The following PLD5 variants were observed in gnomAD, a reference collection of about 807,000 sequenced individuals.
The protein encoded by PLD5 is phospholipase D family member 5, also known as inactive phospholipase D5.
A neutral mutation model predicts 61.1 loss-of-function variants in PLD5; 36 were observed. That is an observed-to-expected ratio of 0.59 (90% confidence interval 0.45 to 0.78). The LOEUF is 0.78. Among genes scored for constraint, PLD5 ranks in the 30% least tolerant of loss-of-function variants. The probability of loss-of-function intolerance (pLI) is 0.00; values close to 1 mark genes in which losing one functional copy is unlikely to be tolerated. For missense variants in PLD5, 515 were observed against 644.4 expected, an observed-to-expected ratio of 0.80 and a Z score of 2.17; for synonymous variants, 243 against 242.8, an observed-to-expected ratio of 1.00 and a Z score of -0.01.
At chr1:242,499,434 CTATCTA>C (rs1668480965) in intron 1 of PLD5, among the ~76,000 whole-genome samples, 1 of 152,176 alleles carries the variant, frequency 6.6e-6, no homozygotes, top group African/African-American at 2.4e-5. Context: ...TAGCCTTTCT[CTATCTA>C]TATCTTCATA....
At chr1:242,357,617 C>A (rs1490633071) in intron 1 of PLD5, among the ~76,000 whole-genome samples, 1 of 151,750 alleles carries the variant, frequency 6.6e-6, no homozygotes, top group Non-Finnish European at 1.5e-5. Context: ...TCCCGAGTAG[C>A]TGGGATTACA....
chr1:242,506,168 A>G lies in PLD5; in HGVS notation c.189+17920T>C, dbSNP rs1196510966. The stretch of plus-strand genomic sequence containing the variant: ...CGAGAGGTTCAACGCTTCCTTTGGC[A>G]AGTTAGTAATGATGGTTACTCCTTG... On this transcript the variant is annotated intron_variant, in intron 1 of 9. Transcript: ENST00000536534. Among the ~76,000 whole-genome samples the G allele has an allele frequency of 3.9e-5, 6 of 152,310 alleles. No homozygotes were observed. In the East Asian group the frequency reaches 1.2e-3, roughly 29 times the overall value.
intron 1 of PLD5, among the ~76,000 whole-genome samples, chr1:242,421,237 A>C (rs182057808): frequency 8.8e-4 from 133 of 151,988 alleles, no homozygotes; most frequent in Non-Finnish European, 1.7e-3. Context: ...AAGAATGAGA[A>C]TAAAGACCAC....
Position 242,256,636 on chromosome 1 carries a change from G to C in PLD5, c.607+8701C>G, listed in dbSNP as rs982546201. 1.3e-5 allele frequency among the ~76,000 whole-genome samples: 2 copies of C among 152,158 alleles called. No homozygotes were observed. The highest frequency in any genetic ancestry group is 2.9e-5 in the Non-Finnish European group (2 of 68,018). On this transcript the variant is annotated intron_variant, in intron 4 of 9. Coordinates refer to ENST00000536534, the MANE Select transcript of PLD5 (RefSeq NM_001372062.1). The surrounding 1 kb of genome is among the most constrained non-coding windows in gnomAD (Gnocchi z 5.7). ...GCTCTCAGCAGACACTGAACCTGCT[G>C]GTGCCTTGATCTTAAACTTCCAGAC...
At chr1:242,312,889 G>T (rs564700092) in intron 2 of PLD5, among the ~76,000 whole-genome samples, 10 of 152,234 alleles carry the variant, frequency 6.6e-5, no homozygotes, top group Non-Finnish European at 1.2e-4. Context: ...ATAAATTTTT[G>T]ACTGATTCCC....
intron 5 of PLD5, among the ~76,000 whole-genome samples, chr1:242,174,848 A>G (rs1667014627): frequency 6.6e-6 from 1 of 152,104 alleles, no homozygotes; most frequent in Non-Finnish European, 1.5e-5. Flanking sequence ...GAACTGAACA[A>G]TGAGAACACC....
At position 242,239,708 on chromosome 1, in the gene PLD5, G is replaced by A. The variant is rs117730281; in HGVS notation, c.608-19593C>T. Among the ~76,000 whole-genome samples, 371 of 148,068 alleles carry A rather than the reference G, an allele frequency of 2.5e-3. 11 individuals carry two copies. The East Asian group carries it at 0.06, about 24-fold the overall frequency. On this transcript the variant is annotated intron_variant, in intron 4 of 9. Transcript: ENST00000536534. Reference sequence around the variant, plus strand: ...AAACCAGACAGTCTGCACATCCACCGCTTAACCAACTTGTCCCCTCGGGCA... The same window carrying A: ...AAACCAGACAGTCTGCACATCCACCACTTAACCAACTTGTCCCCTCGGGCA...
intron 1 of PLD5, among the ~76,000 whole-genome samples, chr1:242,518,161 T>A (rs1669165785): frequency 6.6e-6 from 1 of 152,242 alleles, no homozygotes. Context: ...TAAGGCTACC[T>A]GGGAAAGTTT....
intron 1 of PLD5, among the ~76,000 whole-genome samples, chr1:242,389,691 G>A (rs1301832103): frequency 6.6e-6 from 1 of 151,938 alleles, no homozygotes; most frequent in Non-Finnish European, 1.5e-5. Context: ...AGGCCAAACT[G>A]GCTTGAAAAA....
chr1:242,483,185 T>A (rs1465863088), intron 1 of PLD5, among the ~76,000 whole-genome samples: 1 of 152,102 alleles, frequency 6.6e-6, no homozygotes, highest in African/African-American at 2.4e-5. Context: ...ATCCTAATGA[T>A]AGGATCAAAT....
At chr1:242,395,440 G>C (rs1663516119) in intron 1 of PLD5, among the ~76,000 whole-genome samples, 1 of 152,072 alleles carries the variant, frequency 6.6e-6, no homozygotes, top group Non-Finnish European at 1.5e-5. Flanking sequence ...ATAATGAATA[G>C]CTACTTTCTA....
intron 2 of PLD5, among the ~76,000 whole-genome samples, chr1:242,344,911 C>A (rs562738911): frequency 6.6e-6 from 1 of 151,988 alleles, no homozygotes; most frequent in South Asian, 2.1e-4. Flanking sequence ...AGAATCGTGG[C>A]GGGAGATGAA....
chr1:242,485,982 T>C (rs1305908729), intron 1 of PLD5, among the ~76,000 whole-genome samples: 1 of 152,122 alleles, frequency 6.6e-6, no homozygotes, highest in Non-Finnish European at 1.5e-5. Flanking sequence ...CCCTATTTAA[T>C]AAATGGTGCT....
intron 5 of PLD5, among the ~76,000 whole-genome samples, chr1:242,153,659 TTGTAGATG>T (rs1167188288): frequency 1.3e-5 from 2 of 152,154 alleles, no homozygotes; most frequent in East Asian, 3.9e-4. Context: ...GATCAGAGGG[TTGTAGATG>T]TGTGGTATTA....
chr1:242,527,406 G>A (rs1248263253), upstream of PLD5, among the ~76,000 whole-genome samples: 1 of 152,098 alleles, frequency 6.6e-6, no homozygotes, highest in African/African-American at 2.4e-5. Flanking sequence ...AAAGTATTGG[G>A]ATTACAGGCG....
intron 1 of PLD5, among the ~76,000 whole-genome samples, chr1:242,401,894 A>G (rs1663955683): frequency 6.6e-6 from 1 of 152,234 alleles, no homozygotes; most frequent in Admixed American, 6.5e-5. Flanking sequence ...TCCGATAACT[A>G]GAGTGTCTTC....
chr1:242,519,860 G>A (rs1392674088), intron 1 of PLD5, among the ~76,000 whole-genome samples: 1 of 152,196 alleles, frequency 6.6e-6, no homozygotes, highest in Non-Finnish European at 1.5e-5. Context: ...CATCATACAG[G>A]CTGATCTCAA....
Position 242,207,950 on chromosome 1 carries a change from TTA to T in PLD5, c.735+12036_735+12037del, listed in dbSNP as rs1324287866. Among the ~76,000 whole-genome samples, 19 of 10,108 alleles carry T rather than the reference TTA, an allele frequency of 1.9e-3. 1 individual carries two copies. The highest frequency in any genetic ancestry group is 2.5e-3 in the African/African-American group (7 of 2,746). The allele number at this position is 10,108 out of a possible 152,430, so 6.6% of individuals were successfully genotyped here. ...TATATATTTATATATTTATATATAT[TTA>T]TTTATATATATTTATATATATTTTT... is the stretch of plus-strand genomic sequence containing the variant. On this transcript the variant is annotated intron_variant, in intron 5 of 9. Coordinates refer to ENST00000536534, the MANE Select transcript of PLD5 (RefSeq NM_001372062.1).
chr1:242,133,124 G>T (rs57775915), intron 5 of PLD5, among the ~76,000 whole-genome samples: 1 of 149,926 alleles, frequency 6.7e-6, no homozygotes. Flanking sequence ...AACCAATCAC[G>T]CTGGTCAGGG....
Sources: allele counts gnomAD v4.1 joint callset (sites outside exome capture counted in the v4.1 genomes callset), GRCh38; gene constraint gnomAD v4.1.1; non-coding constraint Gnocchi (gnomAD v3.1); transcripts MANE v1.5; gene names NCBI Gene and HGNC (gene_info 2026-07-23, HGNC 2026-07-21).